Variants in SLC22A25 observed in about 807,000 individuals in gnomAD.
SLC22A25 encodes the protein MGI:2442751, MGI:2385316, MGI:3042283, MGI:3645714, MGI:3605624, MGI:2442750.
SLC22A25 carries 44 observed loss-of-function variants against 45.9 expected under a neutral mutation model. The ratio of observed to expected loss-of-function variants is 0.96; its 90% confidence interval spans 0.75 to 1.23. The LOEUF (loss-of-function observed/expected upper bound fraction) is 1.23, where lower values mean the gene tolerates loss of function less well. Among genes scored for constraint, SLC22A25 ranks in the 50% most tolerant of loss-of-function variants. The pLI is 0.00. For synonymous variants in SLC22A25, 283 were observed against 238.6 expected (o/e 1.19, Z -1.72); for missense variants, 800 against 666.4 (o/e 1.20, Z -2.21).
At chr11:63,171,149 A>G (rs1006421252) in intron 9 of SLC22A25, among the ~76,000 whole-genome samples, 1 of 152,222 alleles carries the variant, frequency 6.6e-6, no homozygotes, top group Non-Finnish European at 1.5e-5. Flanking sequence ...CTAGGTATAG[A>G]TGGAACATAT....
rs2087530077 is a variant in SLC22A25 at position 63,161,146 on chromosome 11, A to AG, written c.*2677dup. Among the ~76,000 whole-genome samples, 1 of 152,170 alleles carries AG rather than the reference A, an allele frequency of 6.6e-6. No individual in the cohort carries two copies. The highest frequency in any genetic ancestry group is 2.1e-4 in the South Asian group (1 of 4,824). On this transcript the variant is annotated 3_prime_UTR_variant, in exon 12 of 12. Coordinates refer to ENST00000306494, the MANE Select transcript of SLC22A25 (RefSeq NM_199352.6). ...CCCATGTAGTCAGTGCCTTTTATCT[A>AG]GGTACAGCCTCATCCTTTTGTTTTG...
intron 7 of SLC22A25, among the ~76,000 whole-genome samples, chr11:63,211,161 T>C (rs2089548434): frequency 6.6e-6 from 1 of 152,148 alleles, no homozygotes; most frequent in Non-Finnish European, 1.5e-5. Context: ...TGGGTGGTAG[T>C]AGAGCTTAAC....
At chr11:63,196,521 T>A (rs565331768) in intron 7 of SLC22A25, among the ~76,000 whole-genome samples, 1 of 152,144 alleles carries the variant, frequency 6.6e-6, no homozygotes, top group Admixed American at 6.5e-5. Context: ...ATTATCTCAA[T>A]AGATGCAGAA....
chr11:63,218,276 C>A, intron 5 of SLC22A25: 1 of 324,058 alleles, frequency 3.1e-6, no homozygotes, highest in South Asian at 2.8e-5. Context: ...ATGTCCTCAA[C>A]TTATAAGGGG....
At chr11:63,213,836 T>A (rs969621508) in intron 7 of SLC22A25, among the ~76,000 whole-genome samples, 1 of 152,128 alleles carries the variant, frequency 6.6e-6, no homozygotes, top group Non-Finnish European at 1.5e-5. Context: ...AATACTTCAC[T>A]GATGGTAGCA....
intron 7 of SLC22A25, among the ~76,000 whole-genome samples, chr11:63,209,689 C>T (rs947329239): frequency 1.3e-5 from 2 of 152,222 alleles, no homozygotes; most frequent in Non-Finnish European, 2.9e-5. Context: ...CCTTTCTCCA[C>T]TACTGATCTC....
intron 9 of SLC22A25, among the ~76,000 whole-genome samples, chr11:63,179,529 AG>A (rs2088243187): frequency 6.6e-6 from 1 of 152,052 alleles, no homozygotes; most frequent in Non-Finnish European, 1.5e-5. Context: ...TCTGTTTTTC[AG>A]GAACTGGCAA....
chr11:63,232,127 G>T (rs1477528679), intron 3 of SLC22A25, among the ~76,000 whole-genome samples: 1 of 152,064 alleles, frequency 6.6e-6, no homozygotes, highest in Non-Finnish European at 1.5e-5. Flanking sequence ...CTCTTTTTTG[G>T]TTCCATATGA....
At chr11:63,176,027 G>A (rs1479319213) in intron 9 of SLC22A25, among the ~76,000 whole-genome samples, 1 of 151,958 alleles carries the variant, frequency 6.6e-6, no homozygotes, top group East Asian at 1.9e-4. Flanking sequence ...TCAGTTGACT[G>A]TATATGCATG....
chr11:63,240,951 C>T (rs1289315001), intron 1 of SLC22A25, among the ~76,000 whole-genome samples: 1 of 152,286 alleles, frequency 6.6e-6, no homozygotes, highest in South Asian at 2.1e-4. Context: ...GTCAATTCTA[C>T]TAACTTACAC....
At chr11:63,235,939 C>G (rs780345545) in intron 3 of SLC22A25, among the ~76,000 whole-genome samples, 1 of 152,176 alleles carries the variant, frequency 6.6e-6, no homozygotes, top group Non-Finnish European at 1.5e-5. Context: ...GTATCAGCAG[C>G]GGTGGCTGCA....
rs2088293599 is a variant in SLC22A25 at position 63,180,830 on chromosome 11, T to C, written c.955-55A>G. 3.8e-6 allele frequency: 5 copies of C among 1,303,930 alleles called. No homozygotes were observed. The South Asian group carries it at 6.2e-5, about 16-fold the overall frequency. The allele number at this position is 1,303,930 out of a possible 1,614,324, so 80.8% of individuals were successfully genotyped here. Reference sequence around the variant, plus strand: ...TCAGTTGTCACAAAATGGTAGGCATTGTAAGAGGACTTGTCAACCAACAGA... The same window carrying C: ...TCAGTTGTCACAAAATGGTAGGCATCGTAAGAGGACTTGTCAACCAACAGA... On this transcript the variant is annotated intron_variant, in intron 8 of 11. Transcript: ENST00000306494.
chr11:63,217,800 G>C, intron 5 of SLC22A25, 65 bp from the exon 6 acceptor site: 2 of 1,523,732 alleles, frequency 1.3e-6, no homozygotes, highest in Non-Finnish European at 1.8e-6. Context: ...TTAGCAAAGG[G>C]AAAGCACACT....
At chr11:63,172,070 G>A (rs1038684673) in intron 9 of SLC22A25, among the ~76,000 whole-genome samples, 1 of 152,150 alleles carries the variant, frequency 6.6e-6, no homozygotes, top group Non-Finnish European at 1.5e-5. Flanking sequence ...AATAAATGGT[G>A]CTGGGAAAAC....
At chr11:63,175,576 C>A (rs978137629) in intron 9 of SLC22A25, among the ~76,000 whole-genome samples, 2 of 152,010 alleles carry the variant, frequency 1.3e-5, no homozygotes, top group African/African-American at 4.8e-5. Flanking sequence ...TCTATTATTT[C>A]CTTTGCTGTG....
intron 7 of SLC22A25, among the ~76,000 whole-genome samples, chr11:63,188,932 C>G (rs2088678571): frequency 6.6e-6 from 1 of 152,098 alleles, no homozygotes; most frequent in African/African-American, 2.4e-5. Context: ...AATTTCTGTT[C>G]TTTTACATTT....
intron 7 of SLC22A25, among the ~76,000 whole-genome samples, chr11:63,215,595 G>A (rs553951515): frequency 1.3e-5 from 2 of 152,124 alleles, no homozygotes; most frequent in East Asian, 3.9e-4. Context: ...ATAAAAGTGG[G>A]CATAGGACAT....
intron 7 of SLC22A25, among the ~76,000 whole-genome samples, chr11:63,194,889 G>GAAA (rs1565091135): frequency 7.0e-5 from 1 of 14,288 alleles, no homozygotes; most frequent in Non-Finnish European, 1.4e-4. Context: ...CAAATGGAAA[G>GAAA]CAAAAAAAAA....
rs1457387691 is a variant in SLC22A25 at position 63,238,874 on chromosome 11, T to G, written c.-734A>C. On this transcript the variant is annotated 5_prime_UTR_variant, in exon 2 of 12. Coordinates refer to ENST00000306494, the MANE Select transcript of SLC22A25 (RefSeq NM_199352.6). ...TGACAACGTTTCTGTGGCCTCAGGT[T>G]TGAGTCCAGTGAGATAGAGATTCTC... is the stretch of plus-strand genomic sequence containing the variant. The G allele has an allele frequency of 4.1e-6, 1 of 244,880 alleles. No individual in the cohort carries two copies. 15.2% of individuals were successfully genotyped at this position (244,880 alleles called of 1,614,324 possible).
Sources: allele counts gnomAD v4.1 joint callset (sites outside exome capture counted in the v4.1 genomes callset), GRCh38; gene constraint gnomAD v4.1.1; transcripts MANE v1.5; gene names NCBI Gene and HGNC (gene_info 2026-07-23, HGNC 2026-07-21).